The following AFF3 variants were observed in gnomAD, a reference collection of about 807,000 sequenced individuals.
The protein encoded by AFF3 is AF4/FMR2 family member 3.
Under a neutral mutation model 129.7 loss-of-function variants are expected in AFF3, and 32 were observed. That is an observed-to-expected ratio of 0.25 (90% confidence interval 0.19 to 0.33). AFF3 has a LOEUF of 0.33. AFF3 is among the 10% of genes least tolerant of loss of function. The pLI is 1.00. For synonymous variants in AFF3, 644 were observed against 635.4 expected (o/e 1.01, Z -0.20); for missense variants, 1,373 against 1,592.0 (o/e 0.86, Z 2.34).
chr2:99,804,663 G>T (rs1378301603), intron 8 of AFF3, among the ~76,000 whole-genome samples: 3 of 152,150 alleles, frequency 2.0e-5, no homozygotes, highest in Non-Finnish European at 2.9e-5. Context: ...ATTCACAATT[G>T]CAAATATATG....
At chr2:99,578,512 T>C in intron 17 of AFF3, 61 bp from the exon 18 acceptor site, 1 of 1,599,862 alleles carries the variant, frequency 6.3e-7, no homozygotes, top group South Asian at 1.1e-5. Context: ...GAGCAGCCCA[T>C]CACATACATA....
chr2:100,074,050 A>T (rs192375126), intron 4 of AFF3, among the ~76,000 whole-genome samples: 24 of 152,144 alleles, frequency 1.6e-4, no homozygotes, highest in African/African-American at 4.8e-4. Context: ...AACGACCACC[A>T]CCCCTGGTCC....
intron 7 of AFF3, among the ~76,000 whole-genome samples, chr2:99,979,893 C>G (rs887065643): frequency 6.6e-6 from 1 of 152,188 alleles, no homozygotes; most frequent in African/African-American, 2.4e-5. Flanking sequence ...CCAAATATCA[C>G]CAAGAACCAG....
At chr2:100,070,558 G>C (rs1337603955) in intron 4 of AFF3, among the ~76,000 whole-genome samples, 2 of 152,188 alleles carry the variant, frequency 1.3e-5, no homozygotes, top group Admixed American at 6.5e-5. Context: ...CTCTTAGAAA[G>C]TTATAAGTTG....
At chr2:100,119,569 T>C (rs960812648) in intron 2 of AFF3, among the ~76,000 whole-genome samples, 3 of 152,210 alleles carry the variant, frequency 2.0e-5, no homozygotes, top group Non-Finnish European at 2.9e-5. Flanking sequence ...AGTTCAACAA[T>C]AGTTAATTAT....
At chr2:99,976,222 A>C (rs1402605546) in intron 7 of AFF3, among the ~76,000 whole-genome samples, 1 of 152,246 alleles carries the variant, frequency 6.6e-6, no homozygotes, top group East Asian at 1.9e-4. Flanking sequence ...ACTGTACTTC[A>C]ACAGGAATCT....
At chr2:99,560,906 A>G (rs924740237) in intron 20 of AFF3, among the ~76,000 whole-genome samples, 46 of 152,220 alleles carry the variant, frequency 3.0e-4, no homozygotes, top group African/African-American at 1.1e-3. Flanking sequence ...CAGCTACATA[A>G]GTGTCCTGAG....
At chr2:99,625,819 A>T (rs1020150570) in intron 13 of AFF3, among the ~76,000 whole-genome samples, 1 of 152,244 alleles carries the variant, frequency 6.6e-6, no homozygotes, top group Non-Finnish European at 1.5e-5. Flanking sequence ...ATTCAAGGTT[A>T]AAATATTTCT....
At chr2:99,603,141 T>C (rs760000504) in intron 13 of AFF3, among the ~76,000 whole-genome samples, 3 of 152,216 alleles carry the variant, frequency 2.0e-5, no homozygotes, top group Non-Finnish European at 2.9e-5. Context: ...TATTTGTGTC[T>C]AGAATTGAGT....
chr2:99,560,314 T>C (rs1361963212), intron 21 of AFF3, 51 bp downstream of exon 21: 5 of 1,584,464 alleles, frequency 3.2e-6, no homozygotes, highest in Admixed American at 3.4e-5. Context: ...GGTTTGCCAA[T>C]GATGGCATGC....
chr2:100,124,309 A>T (rs2105566534), intron 2 of AFF3, among the ~76,000 whole-genome samples: 1 of 152,324 alleles, frequency 6.6e-6, no homozygotes, highest in Non-Finnish European at 1.5e-5. Flanking sequence ...GGGTTTCCTG[A>T]GTGCACAGAA....
At position 99,861,130 on chromosome 2, in the gene AFF3, A is replaced by G. The variant is rs926799247; in HGVS notation, c.874-23606T>C. On this transcript the variant is annotated intron_variant, in intron 7 of 24. Coordinates refer to ENST00000672756, the MANE Select transcript of AFF3 (RefSeq NM_001386135.1). The stretch of plus-strand genomic sequence containing the variant: ...TCCAAATTCTTTAGGTTTCTTATGG[A>G]AAGAAATCATACTGGTAACAGACCA... Among the ~76,000 whole-genome samples, 14 of 152,320 alleles carry G rather than the reference A, an allele frequency of 9.2e-5. No homozygotes were observed. In the South Asian group the frequency reaches 1.7e-3, roughly 18 times the overall value.
chr2:99,741,784 A>G (rs1288542981), intron 10 of AFF3, among the ~76,000 whole-genome samples: 1 of 152,130 alleles, frequency 6.6e-6, no homozygotes, highest in Non-Finnish European at 1.5e-5. Context: ...CCAAAAGAAC[A>G]AAGCTGTAGG....
chr2:99,928,891 G>A (rs967253824), intron 7 of AFF3, among the ~76,000 whole-genome samples: 1 of 152,274 alleles, frequency 6.6e-6, no homozygotes, highest in South Asian at 2.1e-4. Flanking sequence ...AGCAGCCTTT[G>A]ATGATAACAA....
intron 14 of AFF3, 101 bp from the exon 15 acceptor site, chr2:99,594,390 G>C (rs1050964085): frequency 1.4e-6 from 2 of 1,480,036 alleles, no homozygotes; most frequent in Non-Finnish European, 1.8e-6. Flanking sequence ...CTAAGTATAT[G>C]AGCAGAAAAC....
chr2:99,724,267 C>CTTTATTTTTTTTTT (rs1553440069), intron 11 of AFF3, among the ~76,000 whole-genome samples: 4 of 26,994 alleles, frequency 1.5e-4, no homozygotes, highest in South Asian at 3.4e-3. Context: ...GTGGAATGAC[C>CTTTATTTTTTTTTT]TTTCTTTTTT....
At chr2:99,703,995 A>G (rs530604301) in intron 11 of AFF3, among the ~76,000 whole-genome samples, 2 of 152,302 alleles carry the variant, frequency 1.3e-5, no homozygotes, top group African/African-American at 2.4e-5. Context: ...ACTGGTGTCA[A>G]TGTTTTACCA....
intron 8 of AFF3, among the ~76,000 whole-genome samples, chr2:99,766,518 G>A (rs1195523535): frequency 6.6e-6 from 1 of 152,214 alleles, no homozygotes; most frequent in Non-Finnish European, 1.5e-5. Context: ...CTGGAGGAAA[G>A]CTGGTTAGCC....
chr2:99,680,990 T>C (rs1257998375), intron 11 of AFF3, among the ~76,000 whole-genome samples: 2 of 152,222 alleles, frequency 1.3e-5, no homozygotes, highest in Non-Finnish European at 2.9e-5. Context: ...TTAAAAATTA[T>C]TGATGCCCAG....
Sources: allele counts gnomAD v4.1 joint callset (sites outside exome capture counted in the v4.1 genomes callset), GRCh38; gene constraint gnomAD v4.1.1; transcripts MANE v1.5; gene names NCBI Gene and HGNC (gene_info 2026-07-23, HGNC 2026-07-21).